HGS: variants seen among roughly 807,000 people sequenced by gnomAD.
The protein encoded by HGS is human growth factor-regulated tyrosine kinase substrate.
In HGS, 63 loss-of-function variants were observed where a neutral mutation model predicts 109.7. The ratio of observed to expected loss-of-function variants is 0.57; its 90% CI spans 0.47 to 0.71. HGS has a LOEUF of 0.71. HGS is among the 30% of genes least tolerant of loss of function. The pLI is 0.00. For missense variants in HGS, 995 were observed against 1,068.3 expected, an observed-to-expected ratio of 0.93 and a Z score of 0.96; for synonymous variants, 546 against 437.3, an observed-to-expected ratio of 1.25 and a Z score of -3.10.
At position 81,691,423 on chromosome 17, in the gene HGS, A is replaced by G; in HGVS notation, c.538-24A>G. On this transcript the variant is annotated intron_variant, in intron 7 of 21. Coordinates refer to ENST00000329138, the MANE Select transcript of HGS (RefSeq NM_004712.5). The surrounding 1 kb of genome is among the most constrained non-coding windows in gnomAD (Gnocchi z 5.3). The stretch of plus-strand genomic sequence containing the variant: ...TCAGGGTCCCCCAGTGCCTGTGACC[A>G]GGCCCGCCCGCCCCATCTTACAGCA... 6.2e-7 allele frequency: 1 copy of G among 1,613,032 alleles called. No individual in the cohort carries two copies. Among genetic ancestry groups the G allele is most frequent in the Middle Eastern group, 1.7e-4 (1 of 6,060 alleles).
Position 81,693,569 on chromosome 17 carries a change from T to C in HGS, c.729T>C (p.Ser243=). 6.2e-7 allele frequency: 1 copy of C among 1,610,428 alleles called. No homozygotes were observed. The highest frequency in any genetic ancestry group is 1.7e-5 in the Admixed American group (1 of 59,860). Residue 243 remains serine (S), a synonymous_variant, in exon 9 of 22, where the codon TCT becomes TCC. Transcript: ENST00000329138. The part of the protein sequence containing the change: ...LPPEYLTSPL[S]QQSQLPPKRD... ...CCGAGTACCTGACCAGCCCCCTGTC[T>C]CAGCAGTCCCAGGTACTCAGCCCCC...
intron 14 of HGS, 151 bp from the exon 15 acceptor site, chr17:81,695,635 C>T (rs985149589): frequency 2.8e-6 from 2 of 704,494 alleles, no homozygotes; most frequent in African/African-American, 3.6e-5. Flanking sequence ...CAGGGCCTCG[C>T]CTTCCTCAGC....
At chr17:81,697,082 T>G in intron 18 of HGS, 84 bp downstream of exon 18, 1 of 1,404,448 alleles carries the variant, frequency 7.1e-7, no homozygotes, top group Non-Finnish European at 9.5e-7. Context: ...GTAAGAATGG[T>G]GCGAAGGGTT....
At chr17:81,694,148 G>A (rs2037108961) in intron 11 of HGS, among the ~76,000 whole-genome samples, 183 bp downstream of exon 11, 3 of 152,180 alleles carry the variant, frequency 2.0e-5, no homozygotes, top group Non-Finnish European at 4.4e-5. Flanking sequence ...GGCACCCGTT[G>A]CTCCTGGTCC....
chr17:81,691,195 G>A lies in HGS; in HGVS notation c.538-252G>A. 1.9e-6 allele frequency: 1 copy of A among 524,076 alleles called. No individual in the cohort carries two copies. Among genetic ancestry groups the A allele is most frequent in the Non-Finnish European group, 3.5e-6 (1 of 289,080 alleles). 32.5% of individuals were successfully genotyped at this position (524,076 alleles called of 1,614,324 possible). On this transcript the variant is annotated intron_variant, in intron 7 of 21. Coordinates refer to ENST00000329138, the MANE Select transcript of HGS (RefSeq NM_004712.5). This position sits in a 1 kb window ranked among gnomAD's most constrained non-coding sequence, Gnocchi z 5.3. Reference sequence around the variant, plus strand: ...AAGCTCTTGTTTTATCAGCAGAATTGATGTGTATTTTTTCCTTGCCCTTAC... The same window carrying A: ...AAGCTCTTGTTTTATCAGCAGAATTAATGTGTATTTTTTCCTTGCCCTTAC...
Position 81,701,037 on chromosome 17 carries a change from C to G in HGS, c.2137-8C>G. ...TACTCTCTCACATCTGACGTCTTCT[C>G]ACAACAGAATCTCATGACCACCCTC... On this transcript the variant is annotated splice_polypyrimidine_tract_variant and splice_region_variant and intron_variant, in intron 20 of 21. Coordinates refer to ENST00000329138, the MANE Select transcript of HGS (RefSeq NM_004712.5). 1 of 1,613,052 alleles carries G rather than the reference C, an allele frequency of 6.2e-7. No individual in the cohort carries two copies. Among genetic ancestry groups the G allele is most frequent in the Non-Finnish European group, 8.5e-7 (1 of 1,179,144 alleles).
At chr17:81,693,041 CA>C (rs2037089708) in intron 8 of HGS, 1 of 159,164 alleles carries the variant, frequency 6.3e-6, no homozygotes, top group African/African-American at 2.4e-5. Flanking sequence ...AGCCCCAGGT[CA>C]AAGGTCAGCG....
rs761927024 is a variant in HGS at position 81,696,407 on chromosome 17, G to T, written c.1444G>T (p.Gly482Trp). The T allele has an allele frequency of 3.8e-6, 6 of 1,583,848 alleles. No individual in the cohort carries two copies. Among genetic ancestry groups the T allele is most frequent in the Non-Finnish European group, 5.1e-6 (6 of 1,167,896 alleles). ...DKLAQIRDAR[G>W]ALSALREEHR... ...GCTGGCACAGATCCGCGATGCCCGG[G>T]GGGCGCTGAGTGCCCTGCGCGAAGA... The change falls in exon 16 of 22, where the codon GGG becomes TGG. Residue 482 changes from glycine (G) to tryptophan (W), a missense_variant. By Grantham distance (184) the Gly-to-Trp change is radical. Transcript: ENST00000329138.
At chr17:81,700,954 G>A (rs972086202) in intron 20 of HGS, 91 bp from the exon 21 acceptor site, 31 of 1,531,554 alleles carry the variant, frequency 2.0e-5, no homozygotes, top group Non-Finnish European at 2.7e-5. Context: ...GGTGCTCCCT[G>A]TGGTCACCTT....
chr17:81,690,559 C>T (rs942707900), intron 6 of HGS, 115 bp from the exon 7 acceptor site: 16 of 1,037,024 alleles, frequency 1.5e-5, no homozygotes, highest in South Asian at 8.0e-5. Context: ...GCATTGCTCT[C>T]GCTCGTGCTG....
At position 81,691,365 on chromosome 17, in the gene HGS, A is replaced by G. The variant is rs2144492338; in HGVS notation, c.538-82A>G. ...CCCACCTGTGAGGCCCAGCTTCGGC[A>G]TCGTACGGGGTGGTTCTGGGCCGGG... is the stretch of plus-strand genomic sequence containing the variant. On this transcript the variant is annotated intron_variant, in intron 7 of 21. Coordinates refer to ENST00000329138, the MANE Select transcript of HGS (RefSeq NM_004712.5). This position sits in a 1 kb window ranked among gnomAD's most constrained non-coding sequence, Gnocchi z 5.3. 3.8e-6 allele frequency: 6 copies of G among 1,568,940 alleles called. No individual in the cohort carries two copies. Among genetic ancestry groups the G allele is most frequent in the Non-Finnish European group, 5.2e-6 (6 of 1,151,386 alleles).
At chr17:81,699,231 C>T (rs1261793486) in intron 18 of HGS, among the ~76,000 whole-genome samples, 3 of 152,210 alleles carry the variant, frequency 2.0e-5, no homozygotes, top group Non-Finnish European at 2.9e-5. Context: ...GACGATGCCT[C>T]CTAACTGGAG....
intron 1 of HGS, 31 bp downstream of exon 1, chr17:81,684,134 T>C: frequency 1.3e-6 from 2 of 1,527,736 alleles, no homozygotes; most frequent in East Asian, 2.6e-5. Context: ...GGCTCGGCCT[T>C]GGTCAGCCCG....
chr17:81,692,168 C>T (rs1598746461), intron 8 of HGS: 2 of 153,874 alleles, frequency 1.3e-5, no homozygotes, highest in East Asian at 3.8e-4. Flanking sequence ...CTGGCTTCTG[C>T]TCTGTGGTCC....
Position 81,691,352 on chromosome 17 carries a change from G to T in HGS, c.538-95G>T, listed in dbSNP as rs189214025. On this transcript the variant is annotated intron_variant, in intron 7 of 21. Transcript: ENST00000329138. This position sits in a 1 kb window ranked among gnomAD's most constrained non-coding sequence, Gnocchi z 5.3. ...TCCCTTGCCTTCCCCCACCTGTGAG[G>T]CCCAGCTTCGGCATCGTACGGGGTG... 7,353 of 1,511,524 alleles carry T rather than the reference G, an allele frequency of 4.9e-3. 25 individuals carry two copies. Among genetic ancestry groups the T allele is most frequent in the Non-Finnish European group, 6.1e-3 (6,714 of 1,106,482 alleles). 93.6% of individuals were successfully genotyped at this position (1,511,524 alleles called of 1,614,324 possible).
chr17:81,694,938 C>T lies in HGS; in HGVS notation c.990C>T (p.Leu330=), dbSNP rs1284191411. 3 of 1,614,226 alleles carry T rather than the reference C, an allele frequency of 1.9e-6. No individual in the cohort carries two copies. In the South Asian group the frequency reaches 3.3e-5, roughly 18 times the overall value. The part of the protein sequence containing the change: ...EDIDPELARY[L]NRNYWEKKQE... ...ATTGCCTGCAGCTCGCACGGTATCT[C>T]AACCGGAACTACTGGGAGAAGAAGC... is the stretch of plus-strand genomic sequence containing the variant. Residue 330 remains leucine, a synonymous_variant, in exon 13 of 22, where the codon CTC becomes CTT. Transcript: ENST00000329138.
intron 11 of HGS, among the ~76,000 whole-genome samples, chr17:81,694,595 G>C (rs556290343): frequency 6.6e-6 from 1 of 152,228 alleles, no homozygotes; most frequent in African/African-American, 2.4e-5. Context: ...AAGGTTAGGA[G>C]CCTTGTAGGA....
rs756462281 is a variant in HGS at position 81,694,902 on chromosome 17, G to T, written c.976-22G>T. 1.9e-6 allele frequency: 3 copies of T among 1,614,114 alleles called. No homozygotes were observed. The African/African-American group carries it at 4.0e-5, about 22-fold the overall frequency. On this transcript the variant is annotated intron_variant, in intron 12 of 21. Coordinates refer to ENST00000329138, the MANE Select transcript of HGS (RefSeq NM_004712.5). ...CCTCTCACGGTTTCTGGCCTTGGGA[G>T]TGACCCCCTCATTGCCTGCAGCTCG...
At position 81,695,999 on chromosome 17, in the gene HGS, C is replaced by T. The variant is rs751786018; in HGVS notation, c.1393C>T (p.Leu465=). ...ELLNQLDERR[L]YYEGLQDKLA... The stretch of plus-strand genomic sequence containing the variant: ...GCTCAACCAGCTGGACGAGCGCAGG[C>T]GTAGGTGCCCGCGCCACGGGGCCTC... Residue 465 remains leucine (L), a splice_region_variant and synonymous_variant, in exon 15 of 22, where the codon CTG becomes TTG. Transcript: ENST00000329138. 36 of 1,545,798 alleles carry T rather than the reference C, an allele frequency of 2.3e-5. No individual in the cohort carries two copies. The highest frequency in any genetic ancestry group is 1.8e-4 in the East Asian group (8 of 44,154).
Sources: gnomAD v4.1 joint callset for allele counts (sites outside exome capture counted in the v4.1 genomes callset) on GRCh38, gnomAD v4.1.1 for gene constraint, Gnocchi (gnomAD v3.1) non-coding constraint, MANE v1.5 for transcripts, NCBI Gene and HGNC (gene_info 2026-07-23, HGNC 2026-07-21) for gene names.